The following KLF11 variants were observed in gnomAD, a reference collection of about 807,000 sequenced individuals.
KLF11 encodes KLF transcription factor 11.
A neutral mutation model predicts 29.9 loss-of-function variants in KLF11; 26 were observed. That is an observed-to-expected ratio of 0.87 (90% CI 0.64 to 1.21). The LOEUF (loss-of-function observed/expected upper bound fraction) is 1.21, where lower values mean the gene tolerates loss of function less well. KLF11 is among the 50% of genes most tolerant of loss of function. The probability of loss-of-function intolerance (pLI) is 0.00; values close to 1 mark genes in which losing one functional copy is unlikely to be tolerated. For missense variants in KLF11, 778 were observed against 665.7 expected, an observed-to-expected ratio of 1.17 and a Z score of -1.86; for synonymous variants, 318 against 257.4, an observed-to-expected ratio of 1.24 and a Z score of -2.25.
At position 10,043,715 on chromosome 2, in the gene KLF11, C is replaced by A. The variant is rs1012769531; in HGVS notation, c.-2C>A. The A allele has an allele frequency of 1.5e-6, 2 of 1,364,326 alleles. No individual in the cohort carries two copies. Among genetic ancestry groups the A allele is most frequent in the South Asian group, 1.3e-5 (1 of 77,852 alleles). The allele number at this position is 1,364,326 out of a possible 1,614,324, so 84.5% of individuals were successfully genotyped here. ...CTTTGTTGCTCCCGGCCGGCCTGCA[C>A]GATGCACACGCCGGACTTCGCAGGC... On this transcript the variant is annotated 5_prime_UTR_variant, in exon 1 of 4. Coordinates refer to ENST00000305883, the MANE Select transcript of KLF11 (RefSeq NM_003597.5).
At position 10,048,087 on chromosome 2, in the gene KLF11, A is replaced by G. The variant is rs1030052668; in HGVS notation, c.750A>G (p.Ala250=). The change falls in exon 3 of 4, where the codon GCA becomes GCG. Residue 250 remains alanine (A), a synonymous_variant. Transcript: ENST00000305883. ...GLLLTDKGQQ[A]GWPGAVQTCS... ...TGCTCACTGACAAAGGCCAGCAGGC[A>G]GGGTGGCCTGGTGCAGTTCAGACTT... is the stretch of plus-strand genomic sequence containing the variant. The G allele has an allele frequency of 1.9e-6, 3 of 1,614,106 alleles. No homozygotes were observed. Among genetic ancestry groups the G allele is most frequent in the African/African-American group, 2.7e-5 (2 of 74,932 alleles).
At chr2:10,050,708 AAAAAAT>A (rs1234556440) in intron 3 of KLF11, among the ~76,000 whole-genome samples, 2 of 152,024 alleles carry the variant, frequency 1.3e-5, no homozygotes, top group African/African-American at 2.4e-5. Context: ...ACTCCGTCTC[AAAAAAT>A]AAAAATAAAT....
chr2:10,050,912 TTTTTTTTG>T, intron 3 of KLF11, among the ~76,000 whole-genome samples: 1 of 118,302 alleles, frequency 8.5e-6, no homozygotes, highest in East Asian at 2.6e-4. Context: ...TTTTTTTTTT[TTTTTTTTG>T]AGATGGAATC....
At position 10,047,949 on chromosome 2, in the gene KLF11, A is replaced by C. The variant is rs771640160; in HGVS notation, c.612A>C (p.Glu204Asp). 3.7e-6 allele frequency: 6 copies of C among 1,613,874 alleles called. No homozygotes were observed. In the South Asian group the frequency reaches 6.6e-5, roughly 18 times the overall value. ...GGCTTTCTGACAGCAGAGAAGGAGA[A>C]GAGCAGCTTCTGGGACACTTTGAAA... ...DCRLSDSREG[E>D]EQLLGHFETL... is the part of the protein sequence containing the mutation. The change falls in exon 3 of 4, where the codon GAA becomes GAC. Residue 204 changes from glutamate (E) to aspartate (D), a missense_variant. Physicochemically the swap from Glu to Asp is conservative, Grantham distance 45. Transcript: ENST00000305883.
At chr2:10,050,847 T>C (rs1443199013) in intron 3 of KLF11, among the ~76,000 whole-genome samples, 1 of 143,886 alleles carries the variant, frequency 6.9e-6, no homozygotes, top group Non-Finnish European at 1.5e-5. Context: ...TCTGCCAACC[T>C]GAAAAATATT....
At position 10,046,365 on chromosome 2, in the gene KLF11, T is replaced by C. The variant is rs1368953891; in HGVS notation, c.258T>C (p.His86=). The C allele has an allele frequency of 1.2e-6, 2 of 1,614,082 alleles. No individual in the cohort carries two copies. The highest frequency in any genetic ancestry group is 1.7e-6 in the Non-Finnish European group (2 of 1,180,056). ...CTGGGGATGTCACCACCACTGTGCA[T>C]ATGGATGCAGCCACACCTGAACTAC... ...SDSGDVTTTV[H]MDAATPELPK... The change falls in exon 2 of 4, where the codon CAT becomes CAC. Residue 86 remains histidine (H), a synonymous_variant. Transcript: ENST00000305883.
chr2:10,044,266 G>A, intron 1 of KLF11: 2 of 980,706 alleles, frequency 2.0e-6, no homozygotes, highest in Non-Finnish European at 2.4e-6. Context: ...AACGACGGGA[G>A]GCGGGAGCGC....
rs1269560894 is a variant in KLF11, at chr2:10,046,164, C to T, written c.57C>T (p.Asp19=). 5 of 1,613,928 alleles carry T rather than the reference C, an allele frequency of 3.1e-6. No homozygotes were observed. The highest frequency in any genetic ancestry group is 1.1e-5 in the South Asian group (1 of 91,068). The change falls in exon 2 of 4, where the codon GAC becomes GAT. Residue 19 remains aspartate, a synonymous_variant. Coordinates refer to ENST00000305883, the MANE Select transcript of KLF11 (RefSeq NM_003597.5). The part of the protein sequence containing the change: ...PDDARAVDIM[D]ICESILERKR... The stretch of plus-strand genomic sequence containing the variant: ...GTCGCCTTTAGGTTGACATCATGGA[C>T]ATATGTGAGTCCATCCTGGAGAGGA...
At position 10,048,604 on chromosome 2, in the gene KLF11, T is replaced by C. The variant is rs1661309565; in HGVS notation, c.1258+9T>C. 1 of 1,581,504 alleles carries C rather than the reference T, an allele frequency of 6.3e-7. No individual in the cohort carries two copies. The highest frequency in any genetic ancestry group is 8.6e-7 in the Non-Finnish European group (1 of 1,162,872). ...TCTTCGCACTCACACAGGTAAGCGC[T>C]GGGGCAGGTGGGGCATTGGGCACAC... On this transcript the variant is annotated intron_variant, in intron 3 of 3. Coordinates refer to ENST00000305883, the MANE Select transcript of KLF11 (RefSeq NM_003597.5).
chr2:10,052,375 G>C lies in KLF11; in HGVS notation c.1407G>C (p.Leu469=). Residue 469 remains leucine (L), a synonymous_variant, in exon 4 of 4, where the codon CTG becomes CTC. Transcript: ENST00000305883. ...GACGTTTCATGCGCAGTGACCACCT[G>C]ACGAAGCATGCCCGGCGCCACATGA... ...CDRRFMRSDH[L]TKHARRHMTT... is the part of the protein sequence containing the mutation. 1 of 1,614,146 alleles carries C rather than the reference G, an allele frequency of 6.2e-7. No homozygotes were observed. Among genetic ancestry groups the C allele is most frequent in the Non-Finnish European group, 8.5e-7 (1 of 1,180,038 alleles).
rs1245974032 is a variant in KLF11 at position 10,046,171 on chromosome 2, G to T, written c.64G>T (p.Glu22Ter). The change falls in exon 2 of 4, where the codon GAG (glutamate) becomes TAG (stop). Residue 22 changes from glutamate to a stop codon, truncating the protein, a stop_gained. Transcript: ENST00000305883. LOFTEE classifies it high-confidence loss of function. ...TTAGGTTGACATCATGGACATATGT[G>T]AGTCCATCCTGGAGAGGAAGCGGCA... The part of the protein sequence containing the change: ...ARAVDIMDIC[E>*]SILERKRHDS... 6.2e-7 allele frequency: 1 copy of T among 1,614,028 alleles called. No individual in the cohort carries two copies. The highest frequency in any genetic ancestry group is 1.7e-5 in the Admixed American group (1 of 60,018).
Position 10,048,231 on chromosome 2 carries a change from G to A in KLF11, c.894G>A (p.Met298Ile). Residue 298 changes from methionine to isoleucine, a missense_variant, in exon 3 of 4, where the codon ATG becomes ATA. Physicochemically the swap from Met to Ile is conservative, Grantham distance 10 (BLOSUM62 1). Coordinates refer to ENST00000305883, the MANE Select transcript of KLF11 (RefSeq NM_003597.5). The stretch of plus-strand genomic sequence containing the variant: ...TCCCTGTGACTGGACAAAGTAGCAT[G>A]TTACCAGCTTTTTTGAAGCCCCCTC... ...QMIPVTGQSS[M>I]LPAFLKPPPQ... 6.2e-7 allele frequency: 1 copy of A among 1,613,624 alleles called. No individual in the cohort carries two copies. The highest frequency in any genetic ancestry group is 1.3e-5 in the African/African-American group (1 of 75,030).
chr2:10,051,930 A>C (rs943344438), intron 3 of KLF11, among the ~76,000 whole-genome samples: 1 of 152,198 alleles, frequency 6.6e-6, no homozygotes, highest in African/African-American at 2.4e-5. Context: ...CCAGCCTCCC[A>C]AAGTGCTGCG....
chr2:10,052,238 T>C lies in KLF11; in HGVS notation c.1270T>C (p.Phe424Leu). 1 of 1,614,180 alleles carries C rather than the reference T, an allele frequency of 6.2e-7. No individual in the cohort carries two copies. Among genetic ancestry groups the C allele is most frequent in the Non-Finnish European group, 8.5e-7 (1 of 1,180,038 alleles). ...TTCTCACCTCACAGGGGAGAAGCCT[T>C]TCAACTGCAGCTGGGATGGCTGTGA... ...HLRTHTGEKP[F>L]NCSWDGCDKK... The change falls in exon 4 of 4, where the codon TTC (phenylalanine) becomes CTC (leucine). Residue 424 changes from phenylalanine (F) to leucine (L), a missense_variant. Phe to Leu is a conservative substitution (Grantham distance 22). Transcript: ENST00000305883.
intron 3 of KLF11, among the ~76,000 whole-genome samples, chr2:10,049,213 G>T (rs1407400389): frequency 2.0e-5 from 3 of 152,186 alleles, no homozygotes; most frequent in Non-Finnish European, 4.4e-5. Flanking sequence ...GTAGCCACTG[G>T]CTGCTCACAC....
At chr2:10,052,109 TAAGATACC>T (rs1661422132) in intron 3 of KLF11, 110 bp from the exon 4 acceptor site, 1 of 1,075,390 alleles carries the variant, frequency 9.3e-7, no homozygotes, top group African/African-American at 1.6e-5. Flanking sequence ...TCCAGAGTAA[TAAGATACC>T]ACTTTCTTCT....
chr2:10,052,540 T>TTTTTAA lies in KLF11; in HGVS notation c.*33_*34insTTTTAA, dbSNP rs1558351961. The TTTTTAA allele has an allele frequency of 2.5e-6, 4 of 1,608,890 alleles. No homozygotes were observed. The highest frequency in any genetic ancestry group is 3.4e-6 in the Non-Finnish European group (4 of 1,177,862). On this transcript the variant is annotated 3_prime_UTR_variant, in exon 4 of 4. Coordinates refer to ENST00000305883, the MANE Select transcript of KLF11 (RefSeq NM_003597.5). ...ATTAGGACATCACTCATGGGATTTT[T>TTTTTAA]AAAAAGCCTCTTTCCAGGAATGGAA...
intron 3 of KLF11, among the ~76,000 whole-genome samples, chr2:10,048,994 T>C (rs1661324727): frequency 6.6e-6 from 1 of 151,298 alleles, no homozygotes; most frequent in Non-Finnish European, 1.5e-5. Context: ...TATGTTTATG[T>C]GAGAAAAGGT....
In KLF11 at chr2:10,048,068, CTG is replaced by C; in HGVS notation, c.732_733del (p.Asp245GlnfsTer20). On this transcript the variant is annotated frameshift_variant, in exon 3 of 4. Coordinates refer to ENST00000305883, the MANE Select transcript of KLF11 (RefSeq NM_003597.5). LOFTEE classifies it high-confidence loss of function. ...CACAAGTCTGGTGGCCTGCTGCTCA[CTG>C]ACAAAGGCCAGCAGGCAGGGTGGCC... 1.2e-6 allele frequency: 2 copies of C among 1,614,230 alleles called. No individual in the cohort carries two copies. Among genetic ancestry groups the C allele is most frequent in the Non-Finnish European group, 1.7e-6 (2 of 1,180,042 alleles).
Sources: gnomAD v4.1 joint callset for allele counts (sites outside exome capture counted in the v4.1 genomes callset) on GRCh38, gnomAD v4.1.1 for gene constraint, MANE v1.5 for transcripts, NCBI Gene and HGNC (gene_info 2026-07-23, HGNC 2026-07-21) for gene names.